SLC9C1: variants seen among roughly 807,000 people sequenced by gnomAD.
SLC9C1 encodes solute carrier family 9 member C1, also known as sodium/hydrogen exchanger 10.
In SLC9C1, 97 loss-of-function variants were observed where a neutral mutation model predicts 140.9. The ratio of observed to expected loss-of-function variants is 0.69; its 90% confidence interval spans 0.58 to 0.82. The LOEUF is 0.82. SLC9C1 is among the 40% of genes least tolerant of loss of function. SLC9C1 has a pLI of 0.00. For missense variants in SLC9C1, 1,340 were observed against 1,389.3 expected (o/e 0.96, Z 0.56); for synonymous variants, 440 against 442.6 (o/e 0.99, Z 0.07).
intron 5 of SLC9C1, among the ~76,000 whole-genome samples, chr3:112,276,910 G>A (rs1469417418): frequency 6.6e-6 from 1 of 152,072 alleles, no homozygotes; most frequent in Non-Finnish European, 1.5e-5. Context: ...TACACTTGAT[G>A]TGTCTCCCCT....
intron 15 of SLC9C1, among the ~76,000 whole-genome samples, chr3:112,212,185 C>T (rs887557687): frequency 6.6e-6 from 1 of 152,142 alleles, no homozygotes; most frequent in Non-Finnish European, 1.5e-5. Flanking sequence ...CAAAGGACAT[C>T]CACACCAAAA....
chr3:112,272,997 A>G (rs1363581938), intron 6 of SLC9C1, among the ~76,000 whole-genome samples: 1 of 152,096 alleles, frequency 6.6e-6, no homozygotes, highest in Non-Finnish European at 1.5e-5. Flanking sequence ...GTCATTTCTG[A>G]TATAAGTTTC....
In SLC9C1 at chr3:112,270,061, A is replaced by G. The variant is rs1254342174; in HGVS notation, c.630T>C (p.Gly210=). The G allele has an allele frequency of 8.3e-6, 13 of 1,563,762 alleles. No individual in the cohort carries two copies. The highest frequency in any genetic ancestry group is 4.3e-6 in the Non-Finnish European group (5 of 1,158,496). The stretch of plus-strand genomic sequence containing the variant: ...TTGCTATAATATATGAACAAATTCC[A>G]CCCACGATCTCTTCAGCTACAAGAA... ...RNHTLAEEIV[G]GICSYIIASF... The change falls in exon 7 of 29, where the codon GGT becomes GGC. Residue 210 remains glycine, a synonymous_variant. Coordinates refer to ENST00000305815, the MANE Select transcript of SLC9C1 (RefSeq NM_183061.3).
chr3:112,219,794 TG>T (rs964528229), intron 14 of SLC9C1, among the ~76,000 whole-genome samples: 17 of 152,120 alleles, frequency 1.1e-4, no homozygotes, highest in African/African-American at 3.9e-4. Flanking sequence ...TTGGTCAGGC[TG>T]GTCTCGAACT....
intron 21 of SLC9C1, among the ~76,000 whole-genome samples, chr3:112,181,613 G>A (rs908068859): frequency 6.6e-6 from 1 of 152,112 alleles, no homozygotes; most frequent in African/African-American, 2.4e-5. Flanking sequence ...GTAATGTAAT[G>A]TACTTAATGC....
chr3:112,180,581 T>C lies in SLC9C1; in HGVS notation c.2731A>G (p.Ile911Val), dbSNP rs776549808. ...GDEPKGIYII[I>V]SGMVKLEKSK... Reference sequence around the variant, plus strand: ...TGCCTTACCTTTACCATGCCTGAAATAATGATATAGATTCCTTTGGGCTCA... The same window carrying C: ...TGCCTTACCTTTACCATGCCTGAAACAATGATATAGATTCCTTTGGGCTCA... The change falls in exon 22 of 29, where the codon ATT becomes GTT. Residue 911 changes from isoleucine to valine, a missense_variant. Physicochemically the swap from Ile to Val is conservative, Grantham distance 29. Coordinates refer to ENST00000305815, the MANE Select transcript of SLC9C1 (RefSeq NM_183061.3). 6 of 1,608,706 alleles carry C rather than the reference T, an allele frequency of 3.7e-6. No homozygotes were observed. Among genetic ancestry groups the C allele is most frequent in the Admixed American group, 1.7e-5 (1 of 58,618 alleles).
intron 10 of SLC9C1, among the ~76,000 whole-genome samples, chr3:112,246,919 G>A (rs1270339001): frequency 6.6e-6 from 1 of 152,162 alleles, no homozygotes; most frequent in Admixed American, 6.5e-5. Context: ...CAGCACCAAG[G>A]TTGTTAACCA....
chr3:112,152,753 CTT>C (rs1365191044), intron 27 of SLC9C1, among the ~76,000 whole-genome samples: 1 of 152,158 alleles, frequency 6.6e-6, no homozygotes, highest in African/African-American at 2.4e-5. Context: ...ATGGCGATGA[CTT>C]TTACCAAGCA....
chr3:112,282,513 T>A (rs2080386105), intron 2 of SLC9C1, among the ~76,000 whole-genome samples: 1 of 152,262 alleles, frequency 6.6e-6, no homozygotes, highest in African/African-American at 2.4e-5. Context: ...ATGCTCCTGT[T>A]CGTCCCTCTC....
At position 112,281,933 on chromosome 3, in the gene SLC9C1, TGAA is replaced by T. The variant is rs1221609826; in HGVS notation, c.89-1153_89-1151del. 2.6e-5 allele frequency among the ~76,000 whole-genome samples: 4 copies of T among 152,178 alleles called. No individual in the cohort carries two copies. In the East Asian group the frequency reaches 7.7e-4, roughly 29 times the overall value. ...AGTTTTAAGAAGGGATATGTAATGT[TGAA>T]GAAGAAGCCCACAGTGGCGGATCAT... On this transcript the variant is annotated intron_variant, in intron 2 of 28. Coordinates refer to ENST00000305815, the MANE Select transcript of SLC9C1 (RefSeq NM_183061.3).
At chr3:112,206,751 C>G (rs1245149945) in intron 16 of SLC9C1, among the ~76,000 whole-genome samples, 1 of 151,694 alleles carries the variant, frequency 6.6e-6, no homozygotes, top group African/African-American at 2.4e-5. Flanking sequence ...GGACAGAAAA[C>G]CAAACACCAC....
At chr3:112,199,731 G>A (rs12634031) in intron 19 of SLC9C1, among the ~76,000 whole-genome samples, 46,008 of 151,756 alleles carry the variant, frequency 0.3, 7,200 homozygotes, top group East Asian at 0.36. Flanking sequence ...AGGATTAACA[G>A]GTATACTTTT....
At chr3:112,255,827 G>A (rs2079591118) in intron 10 of SLC9C1, among the ~76,000 whole-genome samples, 2 of 151,994 alleles carry the variant, frequency 1.3e-5, no homozygotes, top group Non-Finnish European at 2.9e-5. Context: ...TAATAAGACA[G>A]ATAAGCTTCT....
chr3:112,184,616 A>G (rs951822161), intron 20 of SLC9C1, among the ~76,000 whole-genome samples: 3 of 152,232 alleles, frequency 2.0e-5, no homozygotes, highest in Non-Finnish European at 2.9e-5. Flanking sequence ...AGCCTGGGCG[A>G]CAGAGCGAGA....
At chr3:112,176,859 G>T (rs61172759) in intron 23 of SLC9C1, among the ~76,000 whole-genome samples, 1 of 152,224 alleles carries the variant, frequency 6.6e-6, no homozygotes, top group East Asian at 1.9e-4. Flanking sequence ...CTTAGAATAA[G>T]AGCAAGCCTT....
Position 112,208,319 on chromosome 3 carries a change from A to G in SLC9C1, c.1845T>C (p.His615=). 6.2e-7 allele frequency: 1 copy of G among 1,606,590 alleles called. No individual in the cohort carries two copies. Among genetic ancestry groups the G allele is most frequent in the Non-Finnish European group, 8.5e-7 (1 of 1,176,104 alleles). The part of the protein sequence containing the change: ...HTIVFTEEFE[H]VGYLVILMNI... Reference sequence around the variant, plus strand: ...TCATTAATATCACAAGGTATCCAACATGTTCAAATTCCTCAGTAAATACTA... The same window carrying G: ...TCATTAATATCACAAGGTATCCAACGTGTTCAAATTCCTCAGTAAATACTA... The change falls in exon 16 of 29, where the codon CAT becomes CAC. Residue 615 remains histidine, a synonymous_variant. Transcript: ENST00000305815.
intron 27 of SLC9C1, among the ~76,000 whole-genome samples, chr3:112,153,706 A>G (rs185864339): frequency 5.9e-5 from 9 of 152,242 alleles, no homozygotes; most frequent in Non-Finnish European, 1.0e-4. Flanking sequence ...TCACTCTTTT[A>G]TAGATGAAAA....
chr3:112,274,578 T>C (rs2108327478), intron 6 of SLC9C1, among the ~76,000 whole-genome samples: 1 of 152,288 alleles, frequency 6.6e-6, no homozygotes, highest in East Asian at 1.9e-4. Context: ...ACTATTTGGC[T>C]TATCTTCTAA....
chr3:112,260,572 T>C (rs4560274), intron 10 of SLC9C1, among the ~76,000 whole-genome samples: 89,910 of 151,930 alleles, frequency 0.59, 27,121 homozygotes, highest in East Asian at 0.79. Flanking sequence ...AAAGAGTTTC[T>C]GAGTTTTGTG....
Sources: gnomAD v4.1 joint callset for allele counts (sites outside exome capture counted in the v4.1 genomes callset) on GRCh38, gnomAD v4.1.1 for gene constraint, MANE v1.5 for transcripts, NCBI Gene and HGNC (gene_info 2026-07-23, HGNC 2026-07-21) for gene names.